Variants in PDZRN3 observed in about 807,000 individuals in gnomAD.
PDZRN3 encodes PDZ domain containing ring finger 3, also known as E3 ubiquitin-protein ligase PDZRN3.
Under a neutral mutation model 85.7 loss-of-function variants are expected in PDZRN3, and 38 were observed. The observed-to-expected ratio is 0.44, with a 90% confidence interval of 0.34 to 0.58. The LOEUF is 0.58. Among genes scored for constraint, PDZRN3 ranks in the 20% least tolerant of loss-of-function variants. The pLI, the probability that PDZRN3 is intolerant of heterozygous loss-of-function variation, is 0.01. For synonymous variants in PDZRN3, 759 were observed against 638.0 expected, an observed-to-expected ratio of 1.19 and a Z score of -2.86; for missense variants, 1,629 against 1,506.4, an observed-to-expected ratio of 1.08 and a Z score of -1.35.
intron 3 of PDZRN3, among the ~76,000 whole-genome samples, chr3:73,544,434 C>A (rs1175169319): frequency 6.6e-6 from 1 of 151,996 alleles, no homozygotes; most frequent in Non-Finnish European, 1.5e-5. Flanking sequence ...CTTTTCCCCC[C>A]AGTTTTATGG....
At position 73,393,085 on chromosome 3, in the gene PDZRN3, G is replaced by A. The variant is rs973098848; in HGVS notation, c.1255-1969C>T. Among the ~76,000 whole-genome samples the A allele has an allele frequency of 3.3e-5, 5 of 152,116 alleles. No homozygotes were observed. In the South Asian group the frequency reaches 6.2e-4, roughly 19 times the overall value. ...TTCCTCAAGGTTAGTGTGAATCAAC[G>A]AAATATCACGACGGTTTAGGTCCAA... On this transcript the variant is annotated intron_variant, in intron 5 of 9. Transcript: ENST00000263666.
chr3:73,424,468 G>A (rs1425042968), intron 3 of PDZRN3, among the ~76,000 whole-genome samples: 3 of 148,994 alleles, frequency 2.0e-5, no homozygotes, highest in Admixed American at 1.3e-4. Context: ...GTGAACCCGG[G>A]AGGCCAGAGC....
chr3:73,440,538 G>C (rs1464604241), intron 3 of PDZRN3, among the ~76,000 whole-genome samples: 2 of 152,164 alleles, frequency 1.3e-5, no homozygotes, highest in African/African-American at 4.8e-5. Flanking sequence ...GAGACACCTT[G>C]ACTCCTTGGA....
chr3:73,597,937 T>C (rs1367146957), intron 3 of PDZRN3, among the ~76,000 whole-genome samples: 1 of 152,152 alleles, frequency 6.6e-6, no homozygotes, highest in Non-Finnish European at 1.5e-5. Context: ...GGTGATCCAA[T>C]GCTGTGCAAA....
intron 3 of PDZRN3, among the ~76,000 whole-genome samples, chr3:73,445,919 T>C (rs928086684): frequency 6.6e-6 from 1 of 152,242 alleles, no homozygotes; most frequent in Non-Finnish European, 1.5e-5. Context: ...ATATATCTGA[T>C]ATTAGTGGGC....
chr3:73,553,466 C>A (rs1008618966), intron 3 of PDZRN3, among the ~76,000 whole-genome samples: 17 of 151,956 alleles, frequency 1.1e-4, no homozygotes, highest in Non-Finnish European at 2.1e-4. Context: ...ATCCCAGCTA[C>A]TCGGGAGGCT....
intron 1 of PDZRN3, among the ~76,000 whole-genome samples, chr3:73,616,021 T>C (rs1033517546): frequency 6.6e-6 from 1 of 152,106 alleles, no homozygotes; most frequent in African/African-American, 2.4e-5. Flanking sequence ...CCCAGGGTGG[T>C]GGTGGGCAGA....
At chr3:73,536,588 A>G (rs1222947806) in intron 3 of PDZRN3, among the ~76,000 whole-genome samples, 3 of 152,226 alleles carry the variant, frequency 2.0e-5, no homozygotes, top group African/African-American at 7.2e-5. Context: ...TCTAATCTGG[A>G]GCATTGAGAA....
intron 3 of PDZRN3, among the ~76,000 whole-genome samples, chr3:73,463,957 A>G (rs974229318): frequency 6.6e-6 from 1 of 152,126 alleles, no homozygotes; most frequent in Non-Finnish European, 1.5e-5. Context: ...AGTTTTAAAA[A>G]AAAGTGCTAT....
chr3:73,396,665 TACATCCTGAGAATACAATACAGGTGAC>T lies in PDZRN3; in HGVS notation c.1254+4230_1254+4256del, dbSNP rs568554024. ...TTCCTTTCCTTTCTGGTCTCAGAAT[TACATCCTGAGAATACAATACAGGTGAC>T]ACATCCTGAGAATACAATACAGGTG... On this transcript the variant is annotated intron_variant, in intron 5 of 9. Transcript: ENST00000263666. Among the ~76,000 whole-genome samples the T allele has an allele frequency of 3.4e-3, 523 of 152,332 alleles. 4 individuals are homozygous for T. The highest frequency in any genetic ancestry group is 0.012 in the African/African-American group (488 of 41,572).
chr3:73,385,343 T>TAAAC (rs1405513862), intron 9 of PDZRN3, among the ~76,000 whole-genome samples: 1 of 152,234 alleles, frequency 6.6e-6, no homozygotes, highest in African/African-American at 2.4e-5. Context: ...CAGCTCCTGT[T>TAAAC]AAACAGAGGG....
At chr3:73,585,448 A>T (rs751914710) in intron 3 of PDZRN3, among the ~76,000 whole-genome samples, 1 of 152,154 alleles carries the variant, frequency 6.6e-6, no homozygotes, top group Admixed American at 6.6e-5. Flanking sequence ...TAGGCTTTAA[A>T]CATCATCTTG....
chr3:73,407,994 C>T (rs773481274), intron 3 of PDZRN3: 241 of 600,878 alleles, frequency 4.0e-4, no homozygotes, highest in Non-Finnish European at 5.7e-4. Context: ...CCCTGTCATC[C>T]CACACAAGAA....
chr3:73,536,710 AGTCCCACATG>A (rs1212866272), intron 3 of PDZRN3, among the ~76,000 whole-genome samples: 3 of 152,212 alleles, frequency 2.0e-5, no homozygotes, highest in Non-Finnish European at 2.9e-5. Context: ...CTGGTCCTTA[AGTCCCACATG>A]GTGGTAGGTC....
rs1191298280 is a variant in PDZRN3 at position 73,530,434 on chromosome 3, C to T, written c.918+71920G>A. On this transcript the variant is annotated intron_variant, in intron 3 of 9. Coordinates refer to ENST00000263666, the MANE Select transcript of PDZRN3 (RefSeq NM_015009.3). The stretch of plus-strand genomic sequence containing the variant: ...ACATGAATAACCACAGTATCAATGA[C>T]AACATATTCAAGTTTTTATGAAAAC... Among the ~76,000 whole-genome samples, 10 of 152,248 alleles carry T rather than the reference C, an allele frequency of 6.6e-5. No homozygotes were observed. In the East Asian group the frequency reaches 1.9e-3, roughly 29 times the overall value.
chr3:73,602,476 A>G lies in PDZRN3; in HGVS notation c.811-15T>C. On this transcript the variant is annotated splice_polypyrimidine_tract_variant and intron_variant, in intron 2 of 9. Transcript: ENST00000263666. ...TCGTGGTTATCCTTTGGGTTAAAAA[A>G]AAAAACATGCATGAATGCTAGGCAT... 1 of 1,340,246 alleles carries G rather than the reference A, an allele frequency of 7.5e-7. No homozygotes were observed. The highest frequency in any genetic ancestry group is 1.1e-6 in the Non-Finnish European group (1 of 936,298). The allele number at this position is 1,340,246 out of a possible 1,614,324, so 83.0% of individuals were successfully genotyped here.
At chr3:73,482,285 T>A (rs1449705482) in intron 3 of PDZRN3, among the ~76,000 whole-genome samples, 1 of 152,248 alleles carries the variant, frequency 6.6e-6, no homozygotes, top group East Asian at 1.9e-4. Flanking sequence ...GTTCATTAGA[T>A]TGTTTCCCTG....
intron 1 of PDZRN3, among the ~76,000 whole-genome samples, chr3:73,616,259 A>C (rs958500920): frequency 2.0e-5 from 3 of 152,082 alleles, no homozygotes; most frequent in Non-Finnish European, 4.4e-5. Context: ...AGCCAAACAA[A>C]CCTCTTTCTT....
At chr3:73,606,109 A>C (rs1415389601) in intron 2 of PDZRN3, among the ~76,000 whole-genome samples, 3 of 152,218 alleles carry the variant, frequency 2.0e-5, no homozygotes, top group Non-Finnish European at 4.4e-5. Flanking sequence ...CATTTTGAGC[A>C]ATTTCCAACA....
Sources: allele counts gnomAD v4.1 joint callset (sites outside exome capture counted in the v4.1 genomes callset), GRCh38; gene constraint gnomAD v4.1.1; transcripts MANE v1.5; gene names NCBI Gene and HGNC (gene_info 2026-07-23, HGNC 2026-07-21).